LRRTM4: variants seen among roughly 807,000 people sequenced by gnomAD.
LRRTM4 encodes leucine rich repeat transmembrane neuronal 4.
LRRTM4 carries 25 observed loss-of-function variants against 47.6 expected under a neutral mutation model. The observed-to-expected ratio is 0.53, with a 90% CI of 0.38 to 0.73. LRRTM4 has a LOEUF of 0.73. Ranked by LOEUF, LRRTM4 falls within the 30% of genes least tolerant of loss-of-function variation. LRRTM4 has a pLI of 0.00. For synonymous variants in LRRTM4, 311 were observed against 269.5 expected, an observed-to-expected ratio of 1.15 and a Z score of -1.51; for missense variants, 638 against 713.4, an observed-to-expected ratio of 0.89 and a Z score of 1.20.
chr2:77,067,708 CACACACACAT>C lies in LRRTM4; in HGVS notation c.1552-318802_1552-318793del, dbSNP rs1241585771. Among the ~76,000 whole-genome samples, 16 of 151,466 alleles carry C rather than the reference CACACACACAT, an allele frequency of 1.1e-4. 1 individual carries two copies. The highest frequency in any genetic ancestry group is 1.9e-4 in the East Asian group (1 of 5,168). ...ACGTACACACACACACACACACACA[CACACACACAT>C]ACATATTTCAGGAAAAATGAAGAAA... On this transcript the variant is annotated intron_variant, in intron 3 of 3. Transcript: ENST00000409884.
At chr2:77,087,845 C>G (rs1680775636) in intron 3 of LRRTM4, among the ~76,000 whole-genome samples, 1 of 151,926 alleles carries the variant, frequency 6.6e-6, no homozygotes, top group African/African-American at 2.4e-5. Context: ...TGCTAAATAA[C>G]TAAAGAGATA....
intron 3 of LRRTM4, among the ~76,000 whole-genome samples, chr2:76,831,907 C>T (rs1241756781): frequency 1.3e-5 from 2 of 151,860 alleles, no homozygotes; most frequent in Non-Finnish European, 2.9e-5. Context: ...ACCCACATAC[C>T]CTTTTGGGGT....
chr2:77,306,255 C>T (rs1406288637), intron 3 of LRRTM4, among the ~76,000 whole-genome samples: 1 of 151,984 alleles, frequency 6.6e-6, no homozygotes, highest in Non-Finnish European at 1.5e-5. Context: ...ATATAAGAAA[C>T]CGAAATAAAA....
chr2:76,922,211 A>C (rs1249109231), intron 3 of LRRTM4, among the ~76,000 whole-genome samples: 1 of 152,124 alleles, frequency 6.6e-6, no homozygotes, highest in Non-Finnish European at 1.5e-5. Flanking sequence ...TGTTATAAAG[A>C]ACTACCTGAG....
At chr2:76,832,057 G>GT (rs1437078313) in intron 3 of LRRTM4, among the ~76,000 whole-genome samples, 2 of 152,014 alleles carry the variant, frequency 1.3e-5, no homozygotes, top group Admixed American at 6.6e-5. Context: ...AAACCCATGA[G>GT]TTTTTTCCAT....
At chr2:76,892,667 G>A (rs1673292026) in intron 3 of LRRTM4, among the ~76,000 whole-genome samples, 1 of 151,700 alleles carries the variant, frequency 6.6e-6, no homozygotes, top group Non-Finnish European at 1.5e-5. Flanking sequence ...ATCAGTGGGG[G>A]AAAGGGAGAT....
intron 3 of LRRTM4, among the ~76,000 whole-genome samples, chr2:76,948,691 A>G (rs1675402496): frequency 6.6e-6 from 1 of 151,858 alleles, no homozygotes; most frequent in Non-Finnish European, 1.5e-5. Flanking sequence ...AGAATTCATT[A>G]TGATTAATAA....
chr2:76,905,387 A>G (rs937029962), intron 3 of LRRTM4, among the ~76,000 whole-genome samples: 2 of 152,142 alleles, frequency 1.3e-5, no homozygotes, highest in Non-Finnish European at 2.9e-5. Flanking sequence ...AGATAAAACC[A>G]CAAAGATGGG....
intron 3 of LRRTM4, among the ~76,000 whole-genome samples, chr2:77,345,190 A>C (rs1573287329): frequency 6.6e-6 from 1 of 151,756 alleles, no homozygotes. Flanking sequence ...AAACAATAAA[A>C]TGGCAGACCT....
At chr2:77,312,368 G>A (rs1223641471) in intron 3 of LRRTM4, among the ~76,000 whole-genome samples, 2 of 152,046 alleles carry the variant, frequency 1.3e-5, no homozygotes, top group South Asian at 2.1e-4. Context: ...TTGTATCAAC[G>A]AGGTACCACC....
At chr2:77,423,930 T>C (rs929273319) in intron 3 of LRRTM4, among the ~76,000 whole-genome samples, 4 of 152,176 alleles carry the variant, frequency 2.6e-5, no homozygotes, top group African/African-American at 9.7e-5. Flanking sequence ...ACTTAATAAT[T>C]ACATATAAAA....
chr2:77,430,612 T>C (rs1324784552), intron 3 of LRRTM4, among the ~76,000 whole-genome samples: 1 of 148,828 alleles, frequency 6.7e-6, no homozygotes, highest in Non-Finnish European at 1.5e-5. Flanking sequence ...TCCCAGCTAC[T>C]TGGGAGGCTG....
At chr2:77,083,000 TTTC>T (rs1369185040) in intron 3 of LRRTM4, among the ~76,000 whole-genome samples, 7 of 152,290 alleles carry the variant, frequency 4.6e-5, no homozygotes, top group South Asian at 2.1e-4. Flanking sequence ...TATTTTCAGT[TTTC>T]TTGTTTTATC....
At chr2:76,957,846 ATGGTT>A (rs888799173) in intron 3 of LRRTM4, among the ~76,000 whole-genome samples, 5 of 151,702 alleles carry the variant, frequency 3.3e-5, no homozygotes, top group Non-Finnish European at 7.4e-5. Flanking sequence ...TGCTTATGAT[ATGGTT>A]TGAATAATTC....
At chr2:76,765,644 A>G (rs946479302) in intron 3 of LRRTM4, among the ~76,000 whole-genome samples, 1 of 152,204 alleles carries the variant, frequency 6.6e-6, no homozygotes, top group African/African-American at 2.4e-5. Context: ...ACTTGAGATC[A>G]CTACTGTCTA....
In LRRTM4 at chr2:76,965,386, G is replaced by T. The variant is rs371212888; in HGVS notation, c.1552-216470C>A. 9.9e-5 allele frequency among the ~76,000 whole-genome samples: 15 copies of T among 151,290 alleles called. 1 individual carries two copies. In the South Asian group the frequency reaches 1.9e-3, roughly 19 times the overall value. ...GTAGGATTTATTTCAGCTAGGCAAG[G>T]TTGATTCAAAATATGAAAATCAATT... is the stretch of plus-strand genomic sequence containing the variant. On this transcript the variant is annotated intron_variant, in intron 3 of 3. Transcript: ENST00000409884.
At chr2:77,016,120 G>A (rs937766665) in intron 3 of LRRTM4, among the ~76,000 whole-genome samples, 1 of 151,994 alleles carries the variant, frequency 6.6e-6, no homozygotes, top group Non-Finnish European at 1.5e-5. Context: ...GGGAGCAGTG[G>A]CTCATGCCTA....
intron 3 of LRRTM4, among the ~76,000 whole-genome samples, chr2:77,433,733 G>A (rs897436170): frequency 2.6e-5 from 4 of 152,134 alleles, no homozygotes; most frequent in African/African-American, 4.8e-5. Context: ...GTTTTCAAAT[G>A]TTGAAGTCCT....
chr2:76,799,403 C>G lies in LRRTM4; in HGVS notation c.1552-50487G>C, dbSNP rs1462281072. 5.8e-5 allele frequency among the ~76,000 whole-genome samples: 7 copies of G among 121,090 alleles called. 1 individual carries two copies. The highest frequency in any genetic ancestry group is 2.9e-4 in the South Asian group (1 of 3,416). 79.4% of individuals were successfully genotyped at this position (121,090 alleles called of 152,430 possible). A position where few individuals can be genotyped will look rare whatever the true frequency, so the allele number is the denominator to read the frequency against. On this transcript the variant is annotated intron_variant, in intron 3 of 3. Transcript: ENST00000409884. ...AAGGCCTTTGACAAAATTCAACAACCCTTCATGCTAAAAACTCTCAATAAA... is the reference window on the plus strand; with the variant it reads ...AAGGCCTTTGACAAAATTCAACAACGCTTCATGCTAAAAACTCTCAATAAA...
Sources: allele counts gnomAD v4.1 joint callset (sites outside exome capture counted in the v4.1 genomes callset), GRCh38; gene constraint gnomAD v4.1.1; transcripts MANE v1.5; gene names NCBI Gene and HGNC (gene_info 2026-07-23, HGNC 2026-07-21).